Variants in ATG4A observed in about 807,000 individuals in gnomAD.
The protein encoded by ATG4A is cysteine protease ATG4A.
ATG4A carries 22 observed loss-of-function variants against 38.4 expected under a neutral mutation model. That is an observed-to-expected ratio of 0.57 (90% CI 0.41 to 0.82). The LOEUF is 0.82. ATG4A is among the 40% of genes least tolerant of loss of function. The pLI, the probability that ATG4A is intolerant of heterozygous loss-of-function variation, is 0.00. For missense variants in ATG4A, 220 were observed against 290.0 expected (o/e 0.76, Z 1.75); for synonymous variants, 86 against 100.7 (o/e 0.85, Z 0.88).
chrX:108,144,745 A>G lies in ATG4A; in HGVS notation c.815-5407A>G, dbSNP rs1199184106. On this transcript the variant is annotated intron_variant, in intron 9 of 12. Coordinates refer to ENST00000372232, the MANE Select transcript of ATG4A (RefSeq NM_052936.5). ...ACCACTCAGAGAGGTCCATCCACAT[A>G]CCTCTTCCCCAAATTTGGCACCAAT... is the stretch of plus-strand genomic sequence containing the variant. 2.7e-5 allele frequency among the ~76,000 whole-genome samples: 3 copies of G among 111,759 alleles called. 1 individual carries two copies. In the South Asian group the frequency reaches 1.1e-3, roughly 42 times the overall value.
At chrX:108,093,905 ATTGAG>A (rs758514571) in intron 1 of ATG4A, among the ~76,000 whole-genome samples, 4 of 111,440 alleles carry the variant, frequency 3.6e-5, no homozygotes, top group South Asian at 3.7e-4. Flanking sequence ...CTGTTTTTAA[ATTGAG>A]TTATTTGTTT....
intron 9 of ATG4A, 85 bp downstream of exon 9, chrX:108,138,276 C>T (rs1416533831): frequency 1.2e-6 from 1 of 857,314 alleles, no homozygotes; most frequent in African/African-American, 2.0e-5. Context: ...CAGGCAATTC[C>T]AGTTAGTGGG....
At chrX:108,149,300 G>T (rs1024686568) in intron 9 of ATG4A, among the ~76,000 whole-genome samples, 6 of 112,402 alleles carry the variant, frequency 5.3e-5, no homozygotes, top group African/African-American at 1.6e-4. Flanking sequence ...GTGAGGCTGG[G>T]GTACCTCTTA....
intron 1 of ATG4A, among the ~76,000 whole-genome samples, chrX:108,105,849 T>C (rs2032155490): frequency 9.0e-6 from 1 of 111,443 alleles, no homozygotes; most frequent in African/African-American, 3.3e-5. Context: ...AAGGCTGGGA[T>C]GTTATTTCCT....
chrX:108,145,389 C>T (rs1447250390), intron 9 of ATG4A, among the ~76,000 whole-genome samples: 1 of 112,644 alleles, frequency 8.9e-6, no homozygotes, highest in Non-Finnish European at 1.9e-5. Context: ...TGGTGGGCCT[C>T]ATGGACAGGA....
In ATG4A at chrX:108,111,210, A is replaced by G. The variant is rs773708243; in HGVS notation, c.11-14867A>G. Among the ~76,000 whole-genome samples, 11 of 112,029 alleles carry G rather than the reference A, an allele frequency of 9.8e-5. No homozygotes were observed. The East Asian group carries it at 3.1e-3, about 31-fold the overall frequency. ...GCCATCATGCCTGGCTCTCATTGCT[A>G]TCCTTCTATATATTAAATTAAAGTC... On this transcript the variant is annotated intron_variant, in intron 1 of 12. Transcript: ENST00000372232.
upstream of ATG4A, chrX:108,088,842 T>C: frequency 8.6e-7 from 1 of 1,165,593 alleles, no homozygotes; most frequent in Non-Finnish European, 1.2e-6. Context: ...GCAATGCAGT[T>C]CTGCTGTCCT....
At chrX:108,125,712 G>T (rs1460557305) in intron 1 of ATG4A, among the ~76,000 whole-genome samples, 1 of 112,021 alleles carries the variant, frequency 8.9e-6, no homozygotes, top group Non-Finnish European at 1.9e-5. Context: ...ATGGGCAGGA[G>T]TTAGGTATGC....
chrX:108,148,019 A>C (rs2148028108), intron 9 of ATG4A, among the ~76,000 whole-genome samples: 1 of 65,670 alleles, frequency 1.5e-5, no homozygotes, highest in African/African-American at 5.8e-5. Flanking sequence ...AACTAATGGA[A>C]AATATATATA....
intron 9 of ATG4A, among the ~76,000 whole-genome samples, chrX:108,139,131 G>A (rs868668801): frequency 2.0e-4 from 22 of 111,149 alleles, no homozygotes; most frequent in African/African-American, 6.2e-4. Context: ...GAGGGCACGT[G>A]CAAAGGACAG....
At chrX:108,121,570 C>T (rs755983867) in intron 1 of ATG4A, among the ~76,000 whole-genome samples, 55 of 111,528 alleles carry the variant, frequency 4.9e-4, no homozygotes, top group African/African-American at 1.7e-3. Flanking sequence ...TCAGGAATTC[C>T]CTCCCGTCCC....
At position 108,126,218 on chromosome X, in the gene ATG4A, C is replaced by A. The variant is rs757396110; in HGVS notation, c.121+31C>A. 2.8e-6 allele frequency: 3 copies of A among 1,063,319 alleles called. No individual in the cohort carries two copies. The African/African-American group carries it at 5.5e-5, about 20-fold the overall frequency. 87.6% of individuals were successfully genotyped at this position (1,063,319 alleles called of 1,213,427 possible). ...ATTTGGTAGCATTTGTCTGTAAGAA[C>A]CCAGATGAGGTAGGCACCTGTGGTT... On this transcript the variant is annotated intron_variant, in intron 2 of 12. Coordinates refer to ENST00000372232, the MANE Select transcript of ATG4A (RefSeq NM_052936.5).
At chrX:108,140,550 T>C (rs113366317) in intron 9 of ATG4A, among the ~76,000 whole-genome samples, 56 of 102,881 alleles carry the variant, frequency 5.4e-4, no homozygotes, top group Non-Finnish European at 4.1e-4. Context: ...TACACATATA[T>C]ACACACACAC....
At chrX:108,114,322 G>A (rs762188104) in intron 1 of ATG4A, among the ~76,000 whole-genome samples, 4 of 111,623 alleles carry the variant, frequency 3.6e-5, no homozygotes, top group African/African-American at 9.8e-5. Context: ...ACGGCCCTGT[G>A]GAGAAGGTAT....
intron 9 of ATG4A, among the ~76,000 whole-genome samples, chrX:108,141,060 GTATATATATACATATATATATATA>G (rs1479631053): frequency 6.7e-5 from 2 of 30,024 alleles, no homozygotes; most frequent in Non-Finnish European, 1.1e-4. Flanking sequence ...ATATATACGT[GTATATATATACATATATATATATA>G]TATATATATA....
At chrX:108,097,492 C>CTTTA (rs2031863487) in intron 1 of ATG4A, among the ~76,000 whole-genome samples, 1 of 111,485 alleles carries the variant, frequency 9.0e-6, no homozygotes, top group Non-Finnish European at 1.9e-5. Context: ...ACATGTAGCT[C>CTTTA]TTAAAGACTT....
chrX:108,136,815 C>T (rs2033118045), intron 6 of ATG4A, among the ~76,000 whole-genome samples: 1 of 111,552 alleles, frequency 9.0e-6, no homozygotes, highest in East Asian at 2.8e-4. Context: ...CTTTTTTCCC[C>T]AGTAGGTGTC....
chrX:108,153,648 T>C lies in ATG4A; in HGVS notation c.1133T>C (p.Ile378Thr). Residue 378 changes from isoleucine to threonine, a missense_variant, in exon 13 of 13, where the codon ATT becomes ACT. Transcript: ENST00000372232. ...CATTTCCGTATTCTGATAGAATTCA[T>C]TGACTCTACTGAGCAACTGGAGGAG... ...PEVTTTGAEF[I>T]DSTEQLEEFD... The C allele has an allele frequency of 8.3e-7, 1 of 1,205,627 alleles. No individual in the cohort carries two copies. The highest frequency in any genetic ancestry group is 1.7e-5 in the African/African-American group (1 of 57,734).
chrX:108,115,043 C>T (rs923615964), intron 1 of ATG4A, among the ~76,000 whole-genome samples: 1 of 109,393 alleles, frequency 9.1e-6, no homozygotes, highest in Non-Finnish European at 1.9e-5. Flanking sequence ...ATAAATTAGC[C>T]TTATAGATAA....
Sources: gnomAD v4.1 joint callset for allele counts (sites outside exome capture counted in the v4.1 genomes callset) on GRCh38, gnomAD v4.1.1 for gene constraint, MANE v1.5 for transcripts, NCBI Gene and HGNC (gene_info 2026-07-23, HGNC 2026-07-21) for gene names.